LDLRAD4: variants seen among roughly 807,000 people sequenced by gnomAD.
LDLRAD4 encodes low density lipoprotein receptor class A domain containing 4.
Under a neutral mutation model 17.0 loss-of-function variants are expected in LDLRAD4, and 5 were observed. The observed-to-expected ratio is 0.29, with a 90% confidence interval of 0.15 to 0.62. The LOEUF is 0.62. Ranked by LOEUF, LDLRAD4 falls within the 20% of genes least tolerant of loss-of-function variation. The pLI, the probability that LDLRAD4 is intolerant of heterozygous loss-of-function variation, is 0.84. For missense variants in LDLRAD4, 340 were observed against 424.7 expected (o/e 0.80, Z 1.75); for synonymous variants, 168 against 171.8 (o/e 0.98, Z 0.17).
At chr18:13,595,579 G>T (rs1391326829) in intron 3 of LDLRAD4, among the ~76,000 whole-genome samples, 1 of 152,026 alleles carries the variant, frequency 6.6e-6, no homozygotes, top group African/African-American at 2.4e-5. Flanking sequence ...GAACTCCTAG[G>T]CTTAAGCCAA....
intron 1 of LDLRAD4, among the ~76,000 whole-genome samples, chr18:13,323,099 G>C (rs2081342426): frequency 6.6e-6 from 1 of 152,208 alleles, no homozygotes; most frequent in Admixed American, 6.5e-5. Flanking sequence ...AAGCAGGTGG[G>C]AAGAGGAGTA....
chr18:13,226,437 A>G (rs1458141484), intron 1 of LDLRAD4, among the ~76,000 whole-genome samples: 1 of 151,844 alleles, frequency 6.6e-6, no homozygotes, highest in Non-Finnish European at 1.5e-5. Context: ...TGGGAGAGGC[A>G]ACTTAGATTC....
intron 3 of LDLRAD4, among the ~76,000 whole-genome samples, chr18:13,466,326 T>C (rs746040509): frequency 5.3e-5 from 8 of 151,458 alleles, no homozygotes; most frequent in Non-Finnish European, 1.2e-4. Flanking sequence ...CAAAATTAGC[T>C]GGGGGTGGTG....
intron 1 of LDLRAD4, among the ~76,000 whole-genome samples, chr18:13,342,767 T>C (rs1418631249): frequency 1.3e-5 from 2 of 151,788 alleles, no homozygotes; most frequent in Non-Finnish European, 2.9e-5. Context: ...CAAAATATAG[T>C]TGGATTCTTT....
chr18:13,315,022 A>G (rs1291319947), intron 1 of LDLRAD4, among the ~76,000 whole-genome samples: 3 of 152,198 alleles, frequency 2.0e-5, no homozygotes, highest in Non-Finnish European at 2.9e-5. Flanking sequence ...CCAGAAGGCT[A>G]TTCTTAAAGA....
chr18:13,258,425 G>A (rs2043622908), intron 1 of LDLRAD4, among the ~76,000 whole-genome samples: 1 of 152,054 alleles, frequency 6.6e-6, no homozygotes, highest in Non-Finnish European at 1.5e-5. Context: ...CACTAGGGAC[G>A]ATGGTGAAAA....
rs553883853 is a variant in LDLRAD4, at chr18:13,306,260, C to A, written c.-383+28072C>A. 2.6e-5 allele frequency among the ~76,000 whole-genome samples: 4 copies of A among 152,286 alleles called. No individual in the cohort carries two copies. The South Asian group carries it at 8.3e-4, about 32-fold the overall frequency. ...GTTTATGAACAGGACGGCCCCTGAG[C>A]CTTGAAGGAAAAAGGTGAACACCAG... On this transcript the variant is annotated intron_variant, in intron 1 of 5. Coordinates refer to ENST00000359446, the Ensembl canonical transcript of LDLRAD4.
At chr18:13,475,067 T>TA (rs1568216305) in intron 3 of LDLRAD4, among the ~76,000 whole-genome samples, 3 of 152,174 alleles carry the variant, frequency 2.0e-5, no homozygotes, top group Admixed American at 6.5e-5. Context: ...AAAGAAGCCT[T>TA]AGTCACATCC....
At chr18:13,501,781 G>C (rs993861051) in intron 3 of LDLRAD4, among the ~76,000 whole-genome samples, 6 of 152,122 alleles carry the variant, frequency 3.9e-5, no homozygotes, top group Non-Finnish European at 7.3e-5. Context: ...GAATGGGGTG[G>C]GGGTTGGTTT....
At chr18:13,463,393 C>A (rs1385719905) in intron 3 of LDLRAD4, among the ~76,000 whole-genome samples, 1 of 152,236 alleles carries the variant, frequency 6.6e-6, no homozygotes, top group African/African-American at 2.4e-5. Context: ...CATCCCAGGG[C>A]ACCTGCCTGA....
intron 3 of LDLRAD4, among the ~76,000 whole-genome samples, chr18:13,534,694 A>T (rs1481359850): frequency 6.6e-6 from 1 of 152,204 alleles, no homozygotes; most frequent in African/African-American, 2.4e-5. Flanking sequence ...CTGAGGTAGA[A>T]TTCACATACT....
chr18:13,490,019 A>G (rs1406429156), intron 3 of LDLRAD4: 2 of 152,158 alleles, frequency 1.3e-5, no homozygotes, highest in African/African-American at 2.4e-5. Context: ...GACATGGCCA[A>G]ACGGAGTGTG....
chr18:13,249,173 T>C (rs1160198427), intron 1 of LDLRAD4, among the ~76,000 whole-genome samples: 1 of 152,232 alleles, frequency 6.6e-6, no homozygotes, highest in Non-Finnish European at 1.5e-5. Flanking sequence ...AGGTTGATTC[T>C]GTATCTTGGT....
intron 3 of LDLRAD4, among the ~76,000 whole-genome samples, chr18:13,568,995 T>A (rs1291001681): frequency 6.6e-6 from 1 of 152,158 alleles, no homozygotes; most frequent in Non-Finnish European, 1.5e-5. Flanking sequence ...ATGTGATGTT[T>A]GTAGGCACCC....
chr18:13,551,234 G>A (rs1022472171), intron 3 of LDLRAD4, among the ~76,000 whole-genome samples: 4 of 152,174 alleles, frequency 2.6e-5, no homozygotes, highest in African/African-American at 9.7e-5. Flanking sequence ...GGGCCTTTCC[G>A]ACAGAGCAGC....
intron 3 of LDLRAD4, among the ~76,000 whole-genome samples, chr18:13,576,112 G>A (rs1048903021): frequency 6.6e-6 from 1 of 152,174 alleles, no homozygotes; most frequent in Non-Finnish European, 1.5e-5. Flanking sequence ...TCTCATAAAA[G>A]TTATTACAAA....
At chr18:13,643,167 C>T (rs983369758) in intron 4 of LDLRAD4, among the ~76,000 whole-genome samples, 192 bp from the exon 6 acceptor site, 1 of 151,820 alleles carries the variant, frequency 6.6e-6, no homozygotes, top group Admixed American at 6.6e-5. Flanking sequence ...AACTCCTGAC[C>T]TCGTGATCCA....
intron 1 of LDLRAD4, among the ~76,000 whole-genome samples, chr18:13,383,166 G>A (rs1378410966): frequency 6.6e-6 from 1 of 152,228 alleles, no homozygotes; most frequent in African/African-American, 2.4e-5. Flanking sequence ...GGTGTTTGCT[G>A]AGCCTTCTCT....
intron 1 of LDLRAD4, among the ~76,000 whole-genome samples, chr18:13,331,172 G>A (rs2081846312): frequency 6.6e-6 from 1 of 152,236 alleles, no homozygotes; most frequent in Admixed American, 6.5e-5. Flanking sequence ...CAGAAGGACA[G>A]GTCACAAGTT....
Sources: gnomAD v4.1 joint callset for allele counts (sites outside exome capture counted in the v4.1 genomes callset) on GRCh38, gnomAD v4.1.1 for gene constraint, MANE v1.5 for transcripts, NCBI Gene and HGNC (gene_info 2026-07-23, HGNC 2026-07-21) for gene names.